The following TRAF3IP2 variants were observed in gnomAD, a reference collection of about 807,000 sequenced individuals.
The protein encoded by TRAF3IP2 is E3 ubiquitin ligase TRAF3IP2.
Under a neutral mutation model 57.9 loss-of-function variants are expected in TRAF3IP2, and 35 were observed. The ratio of observed to expected loss-of-function variants is 0.60; its 90% CI spans 0.46 to 0.80. The LOEUF (loss-of-function observed/expected upper bound fraction) is 0.80. Ranked by LOEUF, TRAF3IP2 falls within the 30% of genes least tolerant of loss-of-function variation. The pLI, the probability that TRAF3IP2 is intolerant of heterozygous loss-of-function variation, is 0.00. For synonymous variants in TRAF3IP2, 251 were observed against 268.9 expected, an observed-to-expected ratio of 0.93 and a Z score of 0.65; for missense variants, 556 against 706.4, an observed-to-expected ratio of 0.79 and a Z score of 2.41.
intron 1 of TRAF3IP2, among the ~76,000 whole-genome samples, chr6:111,593,191 G>A (rs1796573285): frequency 6.6e-6 from 1 of 152,176 alleles, no homozygotes; most frequent in South Asian, 2.1e-4. Flanking sequence ...TGAAAAAGAA[G>A]AAATCCCAGA....
In TRAF3IP2 at chr6:111,594,229, G is replaced by A. The variant is rs368425274; in HGVS notation, c.-8-2135C>T. Among the ~76,000 whole-genome samples, 7 of 151,754 alleles carry A rather than the reference G, an allele frequency of 4.6e-5. No homozygotes were observed. The South Asian group carries it at 1.0e-3, about 23-fold the overall frequency. ...GTGCCACACAACATGCTCTTCAGCC[G>A]GTCAGAAAACGAAAATATTTTTTCA... On this transcript the variant is annotated intron_variant, in intron 1 of 8. Transcript: ENST00000368761.
chr6:111,572,130 GT>G (rs1197066225), intron 5 of TRAF3IP2, among the ~76,000 whole-genome samples: 1 of 152,186 alleles, frequency 6.6e-6, no homozygotes, highest in Non-Finnish European at 1.5e-5. Flanking sequence ...AGGAAAAGAA[GT>G]TATCTCAGTG....
chr6:111,591,358 CCT>C lies in TRAF3IP2; in HGVS notation c.727_728del (p.Arg243ValfsTer37). The C allele has an allele frequency of 6.5e-7, 1 of 1,540,564 alleles. No homozygotes were observed. The highest frequency in any genetic ancestry group is 8.7e-7 in the Non-Finnish European group (1 of 1,147,150). ...SREFPQFEPQ[R>X]YPACAQMLPP... ...GCAGCATCTGTGCACATGCTGGATA[CCT>C]CTGAGGTTCAAACTGAGGGAACTCC... On this transcript the variant is annotated frameshift_variant, in exon 2 of 9. Coordinates refer to ENST00000368761, the MANE Select transcript of TRAF3IP2 (RefSeq NM_147686.4). LOFTEE classifies it high-confidence loss of function. The surrounding 1 kb of genome is among the most constrained non-coding windows in gnomAD (Gnocchi z 4.9).
At chr6:111,566,892 G>A (rs943018502) in intron 6 of TRAF3IP2, 2 of 371,668 alleles carry the variant, frequency 5.4e-6, no homozygotes, top group Non-Finnish European at 1.0e-5. Context: ...AACACCAACA[G>A]TAAGAAGCAC....
chr6:111,597,707 C>T (rs893887984), intron 1 of TRAF3IP2: 2 of 376,564 alleles, frequency 5.3e-6, no homozygotes, highest in Admixed American at 6.7e-5. Flanking sequence ...TGGGTAAGCA[C>T]GAGTGGGCAT....
chr6:111,594,130 T>C (rs1187571070), intron 1 of TRAF3IP2, among the ~76,000 whole-genome samples: 5 of 17,156 alleles, frequency 2.9e-4, no homozygotes, highest in South Asian at 1.7e-3. Flanking sequence ...AGACTCCATC[T>C]CCAAAAAAAA....
rs763843514 is a variant in TRAF3IP2, at chr6:111,575,796, T to C, written c.1048A>G (p.Asn350Asp). The change falls in exon 4 of 9, where the codon AAT becomes GAT. Residue 350 changes from asparagine (N) to aspartate (D), a missense_variant. Transcript: ENST00000368761. The part of the protein sequence containing the change: ...HQDQPHHQPP[N>D]RAGAPGESLE... Reference sequence around the variant, plus strand: ...GACTCCCCAGGAGCACCAGCTCTATTAGGTGGCTGGTGATGTGGCTGGTCC... The same window carrying C: ...GACTCCCCAGGAGCACCAGCTCTATCAGGTGGCTGGTGATGTGGCTGGTCC... The C allele has an allele frequency of 6.2e-7, 1 of 1,609,790 alleles. No homozygotes were observed. Among genetic ancestry groups the C allele is most frequent in the Non-Finnish European group, 8.5e-7 (1 of 1,178,692 alleles).
chr6:111,560,535 A>ATGCAG (rs1484118889), intron 8 of TRAF3IP2, among the ~76,000 whole-genome samples: 3 of 152,258 alleles, frequency 2.0e-5, no homozygotes, highest in African/African-American at 7.2e-5. Context: ...GGCAGGCATC[A>ATGCAG]TACTGAGTAC....
chr6:111,568,615 C>T (rs540328344), intron 5 of TRAF3IP2, among the ~76,000 whole-genome samples: 49 of 152,096 alleles, frequency 3.2e-4, no homozygotes, highest in Admixed American at 1.1e-3. Flanking sequence ...TCCCAGATTA[C>T]TTGTCCTAAA....
At chr6:111,575,415 C>T (rs575543007) in intron 4 of TRAF3IP2, among the ~76,000 whole-genome samples, 2 of 151,568 alleles carry the variant, frequency 1.3e-5, no homozygotes, top group East Asian at 1.9e-4. Flanking sequence ...GGGGAAACCC[C>T]GTCTCTACTA....
intron 8 of TRAF3IP2, among the ~76,000 whole-genome samples, chr6:111,562,261 T>C (rs780974805): frequency 1.3e-5 from 2 of 152,208 alleles, no homozygotes; most frequent in East Asian, 3.8e-4. Flanking sequence ...CCTGTAATCA[T>C]TAGCTTTGAG....
intron 6 of TRAF3IP2, chr6:111,567,173 A>G: frequency 1.0e-6 from 1 of 1,003,368 alleles, no homozygotes; most frequent in Non-Finnish European, 1.2e-6. Flanking sequence ...GCCGGTATAG[A>G]TTCTGTCAGT....
At chr6:111,567,467 C>T in intron 6 of TRAF3IP2, 157 bp downstream of exon 6, 1 of 1,320,304 alleles carries the variant, frequency 7.6e-7, no homozygotes, top group South Asian at 2.1e-5. Flanking sequence ...TCCTTCCTTT[C>T]CAAGTCTTTG....
At chr6:111,562,864 A>G (rs1784309499) in intron 8 of TRAF3IP2, 101 bp downstream of exon 8, 1 of 953,266 alleles carries the variant, frequency 1.0e-6, no homozygotes, top group Non-Finnish European at 1.5e-6. Context: ...AAAAAAGAAA[A>G]GAAAGAAAAA....
intron 6 of TRAF3IP2, chr6:111,567,076 C>G (rs535957244): frequency 1.1e-4 from 68 of 599,250 alleles, no homozygotes; most frequent in Admixed American, 9.9e-4. Flanking sequence ...TCCCGTCCCC[C>G]ACTGGCTCCC....
chr6:111,604,612 C>T (rs1423605626), intron 1 of TRAF3IP2, among the ~76,000 whole-genome samples: 1 of 152,240 alleles, frequency 6.6e-6, no homozygotes, highest in Non-Finnish European at 1.5e-5. Flanking sequence ...CGCAGAGACA[C>T]GTGTCTCCCA....
In TRAF3IP2 at chr6:111,567,707, A is replaced by T. The variant is rs2128372071; in HGVS notation, c.1291-15T>A. 6.3e-7 allele frequency: 1 copy of T among 1,598,370 alleles called. No homozygotes were observed. Among genetic ancestry groups the T allele is most frequent in the East Asian group, 2.2e-5 (1 of 44,512 alleles). ...AATATGTCAATCTGCAAAAAAAAAG[A>T]TGTGGGAGTTGGCCCTTAATGAGAG... On this transcript the variant is annotated splice_polypyrimidine_tract_variant and intron_variant, in intron 5 of 8. Coordinates refer to ENST00000368761, the MANE Select transcript of TRAF3IP2 (RefSeq NM_147686.4).
At chr6:111,595,759 C>T (rs1178495766) in intron 1 of TRAF3IP2, among the ~76,000 whole-genome samples, 6 of 146,620 alleles carry the variant, frequency 4.1e-5, no homozygotes, top group East Asian at 2.1e-4. Context: ...ACCCGGGAGG[C>T]GGAGGTTGCG....
At position 111,559,534 on chromosome 6, in the gene TRAF3IP2, C is replaced by G. The variant is rs777500416; in HGVS notation, c.1569G>C (p.Trp523Cys). 6.2e-7 allele frequency: 1 copy of G among 1,613,948 alleles called. No individual in the cohort carries two copies. The highest frequency in any genetic ancestry group is 1.7e-5 in the Admixed American group (1 of 60,002). Residue 523 changes from tryptophan to cysteine, a missense_variant, in exon 9 of 9, where the codon TGG (tryptophan) becomes TGC (cysteine). Transcript: ENST00000368761. ...PNAKKEHVPT[W>C]LQNTHVYSWP... Reference sequence around the variant, plus strand: ...AGCTGTAGACATGAGTGTTCTGAAGCCAGGTGGGCACATGCTCCTATGGGA... The same window carrying G: ...AGCTGTAGACATGAGTGTTCTGAAGGCAGGTGGGCACATGCTCCTATGGGA...
Sources: gnomAD v4.1 joint callset for allele counts (sites outside exome capture counted in the v4.1 genomes callset) on GRCh38, gnomAD v4.1.1 for gene constraint, Gnocchi (gnomAD v3.1) non-coding constraint, MANE v1.5 for transcripts, NCBI Gene and HGNC (gene_info 2026-07-23, HGNC 2026-07-21) for gene names.